Variants in HECW2 observed in about 807,000 individuals in gnomAD.
HECW2 encodes E3 ubiquitin-protein ligase HECW2.
In HECW2, 61 loss-of-function variants were observed where a neutral mutation model predicts 175.2. That is an observed-to-expected ratio of 0.35 (90% CI 0.28 to 0.43). HECW2 has a LOEUF of 0.43. Ranked by LOEUF, HECW2 falls within the 20% of genes least tolerant of loss-of-function variation. HECW2 has a pLI of 1.00. For synonymous variants in HECW2, 671 were observed against 731.0 expected (o/e 0.92, Z 1.32); for missense variants, 1,524 against 2,000.5 (o/e 0.76, Z 4.54).
intron 10 of HECW2, among the ~76,000 whole-genome samples, chr2:196,310,598 G>T (rs1267220658): frequency 6.6e-6 from 1 of 152,140 alleles, no homozygotes; most frequent in East Asian, 1.9e-4. Context: ...TTTGGTATAA[G>T]AAAGCATATG....
chr2:196,508,903 C>T (rs898595061), intron 1 of HECW2, among the ~76,000 whole-genome samples: 1 of 152,138 alleles, frequency 6.6e-6, no homozygotes, highest in African/African-American at 2.4e-5. Flanking sequence ...CCTGTCTCTA[C>T]TAAAAATACA....
chr2:196,207,194 G>A (rs780394459), intron 28 of HECW2, among the ~76,000 whole-genome samples: 3 of 152,222 alleles, frequency 2.0e-5, no homozygotes, highest in Admixed American at 6.5e-5. Context: ...AGAAAGAAAA[G>A]TGGGTTGGCA....
In HECW2 at chr2:196,278,133, A is replaced by ATATATAT. The variant is rs1553489735; in HGVS notation, c.3135+394_3135+395insATATATA. ...CCTAGAACTTAAAGTATAATTAAAA[A>ATATATAT]ATATATATATATATATATAAAGAAA... On this transcript the variant is annotated intron_variant, in intron 15 of 28. Coordinates refer to ENST00000644978, the MANE Select transcript of HECW2 (RefSeq NM_001348768.2). Among the ~76,000 whole-genome samples, 249 of 66,538 alleles carry ATATATAT rather than the reference A, an allele frequency of 3.7e-3. 58 individuals carry two copies. Among genetic ancestry groups the ATATATAT allele is most frequent in the East Asian group, 0.017 (16 of 968 alleles). 43.7% of individuals were successfully genotyped at this position (66,538 alleles called of 152,430 possible). A position where few individuals can be genotyped will look rare whatever the true frequency, so the allele number is the denominator to read the frequency against.
At chr2:196,320,788 C>T (rs2105763137) in intron 7 of HECW2, among the ~76,000 whole-genome samples, 1 of 152,238 alleles carries the variant, frequency 6.6e-6, no homozygotes, top group South Asian at 2.1e-4. Context: ...TTGTGAAAGG[C>T]CTCAAGTTTT....
intron 7 of HECW2, among the ~76,000 whole-genome samples, chr2:196,320,817 G>A (rs750143531): frequency 6.6e-6 from 1 of 152,172 alleles, no homozygotes; most frequent in Non-Finnish European, 1.5e-5. Flanking sequence ...TTTGACTCGG[G>A]TGTAAAAGGG....
At chr2:196,501,306 C>A (rs552319476) in intron 1 of HECW2, among the ~76,000 whole-genome samples, 189 of 152,270 alleles carry the variant, frequency 1.2e-3, no homozygotes, top group African/African-American at 4.2e-3. Flanking sequence ...TTTTTTGAGA[C>A]AGAGTCTCAC....
chr2:196,278,152 A>ATATATATATATATATATATAT (rs1553489733), intron 15 of HECW2, among the ~76,000 whole-genome samples: 68 of 119,956 alleles, frequency 5.7e-4, no homozygotes, highest in Non-Finnish European at 8.9e-4. Flanking sequence ...ATATATATAT[A>ATATATATATATATATATATAT]AAGAAATTCC....
intron 4 of HECW2, among the ~76,000 whole-genome samples, chr2:196,329,913 C>T (rs1190339930): frequency 1.3e-5 from 2 of 151,834 alleles, no homozygotes; most frequent in African/African-American, 4.8e-5. Flanking sequence ...GTCTTTTTTT[C>T]CCTTTGATAA....
intron 1 of HECW2, among the ~76,000 whole-genome samples, chr2:196,477,098 A>G (rs77875633): frequency 0.085 from 12,861 of 151,186 alleles, 622 homozygotes; most frequent in Middle Eastern, 0.13. Context: ...AGCTGTGATT[A>G]CACCACTGCA....
At chr2:196,547,214 A>T (rs1392399583) in intron 1 of HECW2, among the ~76,000 whole-genome samples, 1 of 152,192 alleles carries the variant, frequency 6.6e-6, no homozygotes, top group African/African-American at 2.4e-5. Context: ...ATTGACTAGA[A>T]ATACTTCAGG....
intron 2 of HECW2, among the ~76,000 whole-genome samples, chr2:196,354,899 T>C (rs763021069): frequency 6.6e-6 from 1 of 152,188 alleles, no homozygotes; most frequent in Non-Finnish European, 1.5e-5. Context: ...ACATAACCAG[T>C]TTCGAGTAAG....
At chr2:196,503,365 A>G (rs1687640406) in intron 1 of HECW2, among the ~76,000 whole-genome samples, 2 of 152,172 alleles carry the variant, frequency 1.3e-5, no homozygotes, top group Non-Finnish European at 2.9e-5. Flanking sequence ...GGGGCAAGAT[A>G]GAAGAGGGCC....
intron 13 of HECW2, among the ~76,000 whole-genome samples, chr2:196,301,590 T>C (rs553406742): frequency 6.6e-6 from 1 of 152,316 alleles, no homozygotes; most frequent in Non-Finnish European, 1.5e-5. Context: ...TGAGATGACA[T>C]CTCATTGTGG....
intron 19 of HECW2, among the ~76,000 whole-genome samples, chr2:196,253,319 C>A (rs1688927937): frequency 1.3e-5 from 2 of 152,246 alleles, no homozygotes; most frequent in Non-Finnish European, 2.9e-5. Context: ...TGACTGCCTT[C>A]ATTTTCAAAG....
chr2:196,579,988 C>A (rs1353636270), intron 1 of HECW2, among the ~76,000 whole-genome samples: 1 of 151,982 alleles, frequency 6.6e-6, no homozygotes, highest in Non-Finnish European at 1.5e-5. Flanking sequence ...CCTAGCAAAC[C>A]AATACAACAT....
intron 1 of HECW2, among the ~76,000 whole-genome samples, chr2:196,500,670 A>G (rs1687549363): frequency 6.6e-6 from 1 of 152,240 alleles, no homozygotes; most frequent in Non-Finnish European, 1.5e-5. Flanking sequence ...TAACCTATGC[A>G]TTAATAAAAA....
intron 1 of HECW2, among the ~76,000 whole-genome samples, chr2:196,434,392 T>C (rs1695809330): frequency 6.6e-6 from 1 of 152,164 alleles, no homozygotes; most frequent in South Asian, 2.1e-4. Flanking sequence ...AGCTATTTCC[T>C]TTGGCTCCCG....
intron 21 of HECW2, among the ~76,000 whole-genome samples, chr2:196,237,119 G>C (rs1447136645): frequency 6.6e-6 from 1 of 152,118 alleles, no homozygotes; most frequent in Non-Finnish European, 1.5e-5. Context: ...TTTCTGAAGG[G>C]CATATTTTCT....
rs1037094463 is a variant in HECW2 at position 196,452,805 on chromosome 2, A to C, written c.-35-19347T>G. The stretch of plus-strand genomic sequence containing the variant: ...TGACCCCAAAGCACTAAAAAAAAAA[A>C]AAAAAACATGGGCCCAATAAATGTA... On this transcript the variant is annotated intron_variant, in intron 1 of 28. Transcript: ENST00000644978. 9.9e-5 allele frequency among the ~76,000 whole-genome samples: 15 copies of C among 151,908 alleles called. 1 individual carries two copies.
Sources: allele counts gnomAD v4.1 joint callset (sites outside exome capture counted in the v4.1 genomes callset), GRCh38; gene constraint gnomAD v4.1.1; transcripts MANE v1.5; gene names NCBI Gene and HGNC (gene_info 2026-07-23, HGNC 2026-07-21).